DAB1: variants seen among roughly 807,000 people sequenced by gnomAD.
DAB1 encodes the protein disabled homolog 1.
Under a neutral mutation model 64.6 loss-of-function variants are expected in DAB1, and 15 were observed. The observed-to-expected ratio is 0.23, with a 90% CI of 0.16 to 0.36. The LOEUF (loss-of-function observed/expected upper bound fraction) is 0.36, where lower values mean the gene tolerates loss of function less well. Ranked by LOEUF, DAB1 falls within the 10% of genes least tolerant of loss-of-function variation. The pLI is 1.00. For synonymous variants in DAB1, 235 were observed against 251.9 expected, an observed-to-expected ratio of 0.93 and a Z score of 0.64; for missense variants, 596 against 706.7, an observed-to-expected ratio of 0.84 and a Z score of 1.78.
At chr1:57,558,692 G>C (rs1645017420) in intron 7 of DAB1, among the ~76,000 whole-genome samples, 2 of 152,168 alleles carry the variant, frequency 1.3e-5, no homozygotes, top group Non-Finnish European at 2.9e-5. Flanking sequence ...GTTGCAGCTT[G>C]GGGAGTTAAA....
At chr1:57,353,383 T>C (rs984403804) in intron 1 of DAB1, among the ~76,000 whole-genome samples, 11 of 152,136 alleles carry the variant, frequency 7.2e-5, no homozygotes, top group Non-Finnish European at 5.9e-5. Context: ...TTTCCATTCC[T>C]TGTTAGTCCA....
At chr1:56,999,753 G>A (rs778066884) in intron 14 of DAB1, among the ~76,000 whole-genome samples, 1 of 152,146 alleles carries the variant, frequency 6.6e-6, no homozygotes, top group African/African-American at 2.4e-5. Flanking sequence ...TCCATGCCAA[G>A]AGTAGACCCC....
At chr1:57,468,867 T>C (rs1218740362) in intron 7 of DAB1, among the ~76,000 whole-genome samples, 1 of 152,208 alleles carries the variant, frequency 6.6e-6, no homozygotes, top group Non-Finnish European at 1.5e-5. Flanking sequence ...ATTCATTCAT[T>C]TGACAAATAT....
intron 2 of DAB1, among the ~76,000 whole-genome samples, chr1:57,162,244 C>T (rs1219115484): frequency 6.6e-6 from 1 of 152,164 alleles, no homozygotes; most frequent in East Asian, 1.9e-4. Context: ...AAATTTACCT[C>T]TCTGGTTGTC....
intron 6 of DAB1, among the ~76,000 whole-genome samples, chr1:57,808,269 C>A (rs2101881055): frequency 6.6e-6 from 1 of 152,150 alleles, no homozygotes; most frequent in South Asian, 2.1e-4. Flanking sequence ...TTAGAAAAAA[C>A]TCCTCTAGTT....
chr1:57,693,751 C>T (rs1049155945), intron 6 of DAB1, among the ~76,000 whole-genome samples: 3 of 152,102 alleles, frequency 2.0e-5, no homozygotes, highest in Admixed American at 6.6e-5. Flanking sequence ...CACAAACTCA[C>T]CAGAAGGAAG....
intron 2 of DAB1, among the ~76,000 whole-genome samples, chr1:58,512,834 T>C (rs1327513405): frequency 6.6e-6 from 1 of 152,198 alleles, no homozygotes; most frequent in Non-Finnish European, 1.5e-5. Flanking sequence ...ATATACAGCA[T>C]GTGCCTATAG....
chr1:57,565,509 G>A (rs1645107399), intron 7 of DAB1, among the ~76,000 whole-genome samples: 1 of 152,154 alleles, frequency 6.6e-6, no homozygotes. Flanking sequence ...ACCCATCAGT[G>A]TGTTGTATTC....
intron 5 of DAB1, among the ~76,000 whole-genome samples, chr1:58,032,984 C>T (rs748171945): frequency 2.5e-4 from 38 of 152,338 alleles, no homozygotes; most frequent in Non-Finnish European, 4.0e-4. Context: ...CATTTCACAA[C>T]TCCCTGAATT....
chr1:57,838,366 G>A lies in DAB1; in HGVS notation n.88-11911C>T, dbSNP rs112915586. On this transcript the variant is annotated intron_variant and non_coding_transcript_variant, in intron 1 of 1. Transcript: ENST00000477280. Reference sequence around the variant, plus strand: ...AGAAAGTTGAGAATGATTTATTTGGGTGGCATAAATATGGGTAATTCTAAT... The same window carrying A: ...AGAAAGTTGAGAATGATTTATTTGGATGGCATAAATATGGGTAATTCTAAT... Among the ~76,000 whole-genome samples the A allele has an allele frequency of 6.7e-3, 1,022 of 152,166 alleles. 5 individuals carry two copies. The highest frequency in any genetic ancestry group is 0.017 in the Middle Eastern group (5 of 294).
intron 3 of DAB1, among the ~76,000 whole-genome samples, chr1:58,392,981 T>C (rs1032029436): frequency 6.6e-6 from 1 of 152,158 alleles, no homozygotes; most frequent in African/African-American, 2.4e-5. Flanking sequence ...CCTCAAATGT[T>C]GGGATCGGTC....
rs371321634 is a variant in DAB1, at chr1:58,201,013, GTTTGT to G, written n.310-50430_310-50426del. Among the ~76,000 whole-genome samples the G allele has an allele frequency of 9.9e-3, 1,440 of 144,816 alleles. 13 individuals are homozygous for G. The highest frequency in any genetic ancestry group is 0.02 in the Middle Eastern group (6 of 294). ...CATATGAATAATGTAGTCTATTTTT[GTTTGT>G]TTTGTTTTTTTTTTTTGAGATGGAG... On this transcript the variant is annotated intron_variant and non_coding_transcript_variant, in intron 4 of 20. Coordinates refer to the DAB1 transcript ENST00000485760.
At chr1:57,107,462 G>A (rs938924976) in intron 4 of DAB1, among the ~76,000 whole-genome samples, 5 of 151,548 alleles carry the variant, frequency 3.3e-5, no homozygotes, top group Admixed American at 6.6e-5. Flanking sequence ...CCTTGTGATA[G>A]GTTTTAGGGG....
At chr1:58,341,894 G>A (rs1643942016) in intron 4 of DAB1, among the ~76,000 whole-genome samples, 2 of 152,170 alleles carry the variant, frequency 1.3e-5, no homozygotes, top group Admixed American at 6.6e-5. Context: ...CTGATAGGCT[G>A]TAAAGAACAC....
chr1:58,438,434 C>T (rs146339326), intron 3 of DAB1, among the ~76,000 whole-genome samples: 20 of 152,190 alleles, frequency 1.3e-4, no homozygotes, highest in African/African-American at 4.3e-4. Context: ...GAGAGGGTTC[C>T]GGGCAGTTGT....
intron 9 of DAB1, among the ~76,000 whole-genome samples, chr1:57,057,898 G>C (rs140835784): frequency 6.6e-6 from 1 of 152,072 alleles, no homozygotes; most frequent in Non-Finnish European, 1.5e-5. Context: ...ATGAGCCACC[G>C]CGCCCGGCCT....
intron 5 of DAB1, among the ~76,000 whole-genome samples, chr1:58,019,657 G>A (rs1173311740): frequency 1.3e-5 from 2 of 152,152 alleles, no homozygotes; most frequent in Non-Finnish European, 2.9e-5. Context: ...TCAGTATCAT[G>A]AAACTAGTGA....
At chr1:58,076,940 T>C (rs2100584569) in intron 5 of DAB1, among the ~76,000 whole-genome samples, 1 of 152,250 alleles carries the variant, frequency 6.6e-6, no homozygotes, top group South Asian at 2.1e-4. Flanking sequence ...TCTAGGTAAC[T>C]GCACATCTGA....
At chr1:57,613,424 C>G (rs555694397) in intron 7 of DAB1, among the ~76,000 whole-genome samples, 5 of 152,262 alleles carry the variant, frequency 3.3e-5, no homozygotes, top group African/African-American at 1.2e-4. Context: ...GAACCCTAGG[C>G]TCTGTCAGAT....
Sources: gnomAD v4.1 joint callset for allele counts (sites outside exome capture counted in the v4.1 genomes callset) on GRCh38, gnomAD v4.1.1 for gene constraint, MANE v1.5 for transcripts, NCBI Gene and HGNC (gene_info 2026-07-23, HGNC 2026-07-21) for gene names.